Variants in MLIP observed in about 807,000 individuals in gnomAD.
MLIP encodes muscular LMNA-interacting protein.
In MLIP, 79 loss-of-function variants were observed where a neutral mutation model predicts 84.8. The ratio of observed to expected loss-of-function variants is 0.93; its 90% CI spans 0.78 to 1.12. MLIP has a LOEUF of 1.12. Among genes scored for constraint, MLIP ranks in the 50% most tolerant of loss-of-function variants. The pLI is 0.00. For synonymous variants in MLIP, 504 were observed against 463.0 expected (o/e 1.09, Z -1.14); for missense variants, 1,257 against 1,160.6 (o/e 1.08, Z -1.21).
At chr6:54,042,377 T>A (rs957492890) in intron 1 of MLIP, among the ~76,000 whole-genome samples, 8 of 152,106 alleles carry the variant, frequency 5.3e-5, no homozygotes, top group African/African-American at 1.9e-4. Flanking sequence ...ATCCTCCTCT[T>A]CCTTCTCTCT....
intron 1 of MLIP, chr6:54,099,495 A>G (rs1321946661): frequency 6.6e-6 from 1 of 151,976 alleles, no homozygotes; most frequent in Non-Finnish European, 1.5e-5. Context: ...ACACAGTCAC[A>G]TGTTGATTTG....
intron 11 of MLIP, among the ~76,000 whole-genome samples, chr6:54,213,729 A>AAAC (rs1779646120): frequency 1.4e-5 from 2 of 138,612 alleles, no homozygotes; most frequent in Non-Finnish European, 3.0e-5. Flanking sequence ...AAAAAAAAAA[A>AAAC]AAAAAAACAA....
At chr6:54,251,089 T>TG (rs1371556931) in intron 12 of MLIP, among the ~76,000 whole-genome samples, 3 of 152,020 alleles carry the variant, frequency 2.0e-5, no homozygotes, top group African/African-American at 7.2e-5. Context: ...TAATCAAATA[T>TG]GTGGTAAATG....
chr6:54,105,654 G>A (rs1255293251), intron 1 of MLIP, among the ~76,000 whole-genome samples: 2 of 152,122 alleles, frequency 1.3e-5, no homozygotes, highest in East Asian at 3.9e-4. Context: ...GGGCTAAGAC[G>A]GGTAGAGAGT....
rs191865812 is a variant in MLIP at position 54,144,495 on chromosome 6, G to A, written c.2218-4561G>A. On this transcript the variant is annotated intron_variant, in intron 4 of 13. Coordinates refer to ENST00000502396, the MANE Select transcript of MLIP (RefSeq NM_001281747.2). ...TTGGGGATGGTTTTGGGATGAAACT[G>A]TTCCACCTCAGATCATCAAGCATTA... is the stretch of plus-strand genomic sequence containing the variant. Among the ~76,000 whole-genome samples the A allele has an allele frequency of 2.0e-5, 3 of 152,344 alleles. No homozygotes were observed. The East Asian group carries it at 5.8e-4, about 29-fold the overall frequency.
chr6:54,160,217 A>G (rs1774474943), intron 5 of MLIP, 150 bp from the exon 6 acceptor site: 1 of 647,632 alleles, frequency 1.5e-6, no homozygotes, highest in African/African-American at 1.8e-5. Context: ...CTAAAAGAAA[A>G]ATGTCTTCAT....
At chr6:54,033,667 A>G (rs1764267712) in intron 1 of MLIP, among the ~76,000 whole-genome samples, 1 of 151,950 alleles carries the variant, frequency 6.6e-6, no homozygotes, top group South Asian at 2.1e-4. Flanking sequence ...ACCCTCACCT[A>G]TATCCCTCTC....
chr6:54,039,435 C>T (rs904454025), intron 1 of MLIP, among the ~76,000 whole-genome samples: 15 of 151,928 alleles, frequency 9.9e-5, no homozygotes, highest in African/African-American at 3.6e-4. Context: ...AGCCAGAACT[C>T]TCCTGTCTTT....
chr6:54,159,270 G>T (rs151272995), intron 5 of MLIP, among the ~76,000 whole-genome samples: 4 of 151,918 alleles, frequency 2.6e-5, no homozygotes, highest in Non-Finnish European at 4.4e-5. Context: ...CTTTAGTCAC[G>T]AGCCTACCCT....
intron 8 of MLIP, among the ~76,000 whole-genome samples, chr6:54,161,469 A>T (rs1025245348): frequency 6.6e-6 from 1 of 151,912 alleles, no homozygotes; most frequent in African/African-American, 2.4e-5. Context: ...TATTTTTTTC[A>T]AACACTTAAG....
At chr6:54,242,286 A>C (rs1781791395) in intron 12 of MLIP, among the ~76,000 whole-genome samples, 1 of 152,170 alleles carries the variant, frequency 6.6e-6, no homozygotes, top group Non-Finnish European at 1.5e-5. Context: ...TAAACATTGA[A>C]GGTTGACTTT....
rs1348685105 is a variant in MLIP, at chr6:54,160,760, A to C, written c.2460A>C (p.Ser820=). 1.9e-5 allele frequency: 30 copies of C among 1,599,934 alleles called. No individual in the cohort carries two copies. The highest frequency in any genetic ancestry group is 2.3e-5 in the Non-Finnish European group (27 of 1,169,068). Residue 820 remains serine, a synonymous_variant, in exon 8 of 14, where the codon TCA becomes TCC. Transcript: ENST00000502396. ...TTCAGCATTCTTCTGATTCTCCTTC[A>C]AGGTCCCCAAAGACATTGTTGGGTT... ...SLSMHSSDSP[S]RSPKTLLGSD...
chr6:54,177,550 G>C (rs1254543498), intron 9 of MLIP, among the ~76,000 whole-genome samples: 1 of 152,160 alleles, frequency 6.6e-6, no homozygotes, highest in Non-Finnish European at 1.5e-5. Context: ...AACAACAGAT[G>C]CTGGTGAGGC....
chr6:54,022,081 T>C lies in MLIP; in HGVS notation c.63+2990T>C, dbSNP rs149775945. On this transcript the variant is annotated intron_variant, in intron 1 of 12. Transcript: ENST00000274897. ...ATAATTGCTGTTGAGGTTGAATGGA[T>C]CTTTTGTTTTTCCTATCATGTATTT... 4.0e-3 allele frequency among the ~76,000 whole-genome samples: 602 copies of C among 152,336 alleles called. 3 individuals carry two copies. The highest frequency in any genetic ancestry group is 0.014 in the Middle Eastern group (4 of 294).
chr6:54,122,102 G>A (rs1770505535), intron 2 of MLIP, among the ~76,000 whole-genome samples: 1 of 152,036 alleles, frequency 6.6e-6, no homozygotes, highest in Non-Finnish European at 1.5e-5. Context: ...TTATAAAACT[G>A]TTTATAACCT....
intron 12 of MLIP, among the ~76,000 whole-genome samples, chr6:54,243,446 T>G (rs1355681289): frequency 3.3e-5 from 5 of 152,140 alleles, no homozygotes; most frequent in Admixed American, 6.5e-5. Flanking sequence ...TAATGAGTTA[T>G]CTGAACTGGG....
chr6:54,250,255 G>A (rs1226134864), intron 12 of MLIP, among the ~76,000 whole-genome samples: 1 of 152,068 alleles, frequency 6.6e-6, no homozygotes, highest in East Asian at 1.9e-4. Context: ...CTTATACACT[G>A]TTGGTGGGAG....
intron 1 of MLIP, among the ~76,000 whole-genome samples, chr6:54,038,533 T>C (rs1764571859): frequency 6.6e-6 from 1 of 151,964 alleles, no homozygotes; most frequent in African/African-American, 2.4e-5. Context: ...ATTCAATTTA[T>C]TAAAAGCTCT....
intron 11 of MLIP, among the ~76,000 whole-genome samples, chr6:54,219,210 A>T (rs1780052695): frequency 6.6e-6 from 1 of 151,750 alleles, no homozygotes; most frequent in African/African-American, 2.4e-5. Context: ...GTCTCAAAAA[A>T]AATAAAAATA....
Sources: gnomAD v4.1 joint callset for allele counts (sites outside exome capture counted in the v4.1 genomes callset) on GRCh38, gnomAD v4.1.1 for gene constraint, MANE v1.5 for transcripts, NCBI Gene and HGNC (gene_info 2026-07-23, HGNC 2026-07-21) for gene names.